Variants in RASA2 observed in about 807,000 individuals in gnomAD.
RASA2 encodes ras GTPase-activating protein 2.
Under a neutral mutation model 118.2 loss-of-function variants are expected in RASA2, and 155 were observed. The ratio of observed to expected loss-of-function variants is 1.31; its 90% CI spans 1.15 to 1.50. RASA2 has a LOEUF of 1.50. RASA2 is among the 40% of genes most tolerant of loss of function. The pLI is 0.00. For missense variants in RASA2, 1,016 were observed against 1,009.6 expected (o/e 1.01, Z -0.09); for synonymous variants, 353 against 349.1 (o/e 1.01, Z -0.12).
chr3:141,576,394 G>A (rs897105613), intron 14 of RASA2, among the ~76,000 whole-genome samples: 11 of 152,180 alleles, frequency 7.2e-5, no homozygotes, highest in African/African-American at 2.7e-4. Flanking sequence ...CTCACCATCT[G>A]CTTCACCACC....
chr3:141,492,358 ATGT>A (rs1427412230), intron 1 of RASA2, among the ~76,000 whole-genome samples: 2 of 152,202 alleles, frequency 1.3e-5, no homozygotes, highest in Non-Finnish European at 1.5e-5. Flanking sequence ...TGCAAACAAA[ATGT>A]TGTATAGTCA....
At chr3:141,503,871 T>G (rs1158473043) in intron 1 of RASA2, among the ~76,000 whole-genome samples, 1 of 152,208 alleles carries the variant, frequency 6.6e-6, no homozygotes, top group Admixed American at 6.5e-5. Flanking sequence ...TAAAGATTCT[T>G]TAAGTGCTTT....
chr3:141,586,984 G>T (rs2083214876), intron 19 of RASA2: 1 of 520,684 alleles, frequency 1.9e-6, no homozygotes, highest in Non-Finnish European at 3.5e-6. Context: ...CCTTCAGTGT[G>T]CTCTGTTTTC....
intron 4 of RASA2, among the ~76,000 whole-genome samples, chr3:141,538,424 A>C (rs1015320548): frequency 3.9e-5 from 6 of 152,158 alleles, no homozygotes; most frequent in African/African-American, 1.4e-4. Context: ...AATCTTCTGA[A>C]ATTTCACCAA....
At chr3:141,555,685 G>A (rs534429449) in intron 6 of RASA2, among the ~76,000 whole-genome samples, 155 bp from the exon 7 acceptor site, 2 of 151,902 alleles carry the variant, frequency 1.3e-5, no homozygotes, top group East Asian at 3.9e-4. Context: ...AGTTTATAAG[G>A]ACAGTTACTT....
At chr3:141,559,021 T>G in intron 8 of RASA2, 59 bp downstream of exon 8, 2 of 1,427,324 alleles carry the variant, frequency 1.4e-6, no homozygotes, top group South Asian at 1.3e-5. Context: ...AAATCCTAGA[T>G]TCAACCAAAA....
At chr3:141,610,448 A>G in intron 23 of RASA2, among the ~76,000 whole-genome samples, 1 of 108,258 alleles carries the variant, frequency 9.2e-6, no homozygotes, top group Non-Finnish European at 1.7e-5. Flanking sequence ...TTTATATATT[A>G]TATATTTATA....
intron 3 of RASA2, chr3:141,526,156 C>G (rs2082181636): frequency 6.6e-6 from 1 of 152,114 alleles, no homozygotes; most frequent in Non-Finnish European, 1.5e-5. Flanking sequence ...CCCTCTACCT[C>G]CAAGATTGTT....
intron 19 of RASA2, among the ~76,000 whole-genome samples, chr3:141,597,158 T>C (rs1043088816): frequency 5.3e-5 from 8 of 152,260 alleles, no homozygotes; most frequent in African/African-American, 1.9e-4. Context: ...CCCAGCACTT[T>C]GGGAGGCCAA....
chr3:141,594,772 T>A (rs1393834475), intron 19 of RASA2, among the ~76,000 whole-genome samples: 5 of 152,108 alleles, frequency 3.3e-5, no homozygotes, highest in Non-Finnish European at 7.4e-5. Flanking sequence ...CTAAAGGAAA[T>A]TCTTCAGGCT....
At chr3:141,578,410 A>C (rs1377749211) in intron 15 of RASA2, 1 of 152,174 alleles carries the variant, frequency 6.6e-6, no homozygotes, top group Non-Finnish European at 1.5e-5. Flanking sequence ...CCCTTAGGAA[A>C]CTCACAGCCA....
intron 4 of RASA2, among the ~76,000 whole-genome samples, chr3:141,535,325 C>T (rs905602905): frequency 6.6e-6 from 1 of 151,882 alleles, no homozygotes; most frequent in African/African-American, 2.4e-5. Flanking sequence ...TGGTCTGGAC[C>T]CTTAGACAGT....
intron 19 of RASA2, chr3:141,590,185 T>C (rs1560055033): frequency 2.2e-6 from 1 of 456,226 alleles, no homozygotes; most frequent in South Asian, 1.6e-5. Context: ...CCATTGATAA[T>C]ATTAATTGTT....
chr3:141,572,620 CA>C lies in RASA2; in HGVS notation c.1183del (p.Ile395PhefsTer15). 6.2e-7 allele frequency: 1 copy of C among 1,612,738 alleles called. No homozygotes were observed. ...LDLKDTQDAN[T>X]IFRGNSLATR... Reference sequence around the variant, plus strand: ...TATTTCTATTTCAGAGATGCAAACACAATTTTTAGAGGAAATTCCCTGGCTA... The same window carrying C: ...TATTTCTATTTCAGAGATGCAAACACATTTTTAGAGGAAATTCCCTGGCTA... On this transcript the variant is annotated frameshift_variant, in exon 12 of 24. Coordinates refer to ENST00000286364, the MANE Select transcript of RASA2 (RefSeq NM_006506.5). LOFTEE classifies it high-confidence loss of function.
At chr3:141,496,033 C>T (rs2081697248) in intron 1 of RASA2, among the ~76,000 whole-genome samples, 1 of 152,144 alleles carries the variant, frequency 6.6e-6, no homozygotes, top group South Asian at 2.1e-4. Flanking sequence ...AAAAAGAGGT[C>T]TGAACAGTTG....
At chr3:141,512,889 C>A (rs1015716616) in intron 2 of RASA2, among the ~76,000 whole-genome samples, 1 of 151,830 alleles carries the variant, frequency 6.6e-6, no homozygotes, top group East Asian at 1.9e-4. Context: ...ATGGTGAAAC[C>A]CCGTCTCTAC....
chr3:141,570,621 T>G (rs1173184685), intron 9 of RASA2, among the ~76,000 whole-genome samples: 1 of 152,228 alleles, frequency 6.6e-6, no homozygotes, highest in Admixed American at 6.5e-5. Context: ...TATTATCATT[T>G]TTTCTAAACC....
chr3:141,490,335 CAAAAAAAAAAAA>C (rs3075070), intron 1 of RASA2, among the ~76,000 whole-genome samples: 1 of 93,722 alleles, frequency 1.1e-5, no homozygotes, highest in Non-Finnish European at 2.3e-5. Flanking sequence ...CTCCTCCCCT[CAAAAAAAAAAAA>C]AAAAAAAAAA....
At chr3:141,588,990 C>T (rs182676250) in intron 19 of RASA2, among the ~76,000 whole-genome samples, 201 of 152,030 alleles carry the variant, frequency 1.3e-3, no homozygotes, top group African/African-American at 3.8e-3. Context: ...TACAGGCGCC[C>T]GCCACCACAC....
Sources: allele counts gnomAD v4.1 joint callset (sites outside exome capture counted in the v4.1 genomes callset), GRCh38; gene constraint gnomAD v4.1.1; transcripts MANE v1.5; gene names NCBI Gene and HGNC (gene_info 2026-07-23, HGNC 2026-07-21).